Variants in DLG4 observed in about 807,000 individuals in gnomAD.
DLG4 encodes discs large MAGUK scaffold protein 4.
A neutral mutation model predicts 93.8 loss-of-function variants in DLG4; 7 were observed. The observed-to-expected ratio is 0.07, with a 90% confidence interval of 0.04 to 0.14. The LOEUF (loss-of-function observed/expected upper bound fraction) is 0.14, where lower values mean the gene tolerates loss of function less well. Among genes scored for constraint, DLG4 ranks in the 10% least tolerant of loss-of-function variants. The pLI is 1.00. For missense variants in DLG4, 545 were observed against 992.9 expected (o/e 0.55, Z 6.06); for synonymous variants, 341 against 387.6 (o/e 0.88, Z 1.41).
At chr17:7,216,079 C>A (rs760841625) in intron 1 of DLG4, among the ~76,000 whole-genome samples, 6 of 151,584 alleles carry the variant, frequency 4.0e-5, no homozygotes, top group Non-Finnish European at 7.4e-5. Flanking sequence ...TTGCACAGAT[C>A]CCCATCGCTG....
chr17:7,205,159 C>T, intron 2 of DLG4: 2 of 985,500 alleles, frequency 2.0e-6, no homozygotes, highest in Non-Finnish European at 2.4e-6. Context: ...CGCCCCTCAC[C>T]CTACGCAGTG....
At chr17:7,215,189 G>A (rs898299921) in intron 1 of DLG4, among the ~76,000 whole-genome samples, 4 of 152,168 alleles carry the variant, frequency 2.6e-5, no homozygotes, top group African/African-American at 9.7e-5. Context: ...CCACCATACC[G>A]AGGCTGACAA....
upstream of DLG4, chr17:7,219,948 C>G (rs986919510): frequency 6.6e-6 from 6 of 915,456 alleles, no homozygotes; most frequent in African/African-American, 6.9e-5. Context: ...AGAGCTGGGT[C>G]AGAGCTCGAG....
rs920423455 is a variant in DLG4 at position 7,190,526 on chromosome 17, G to A, written c.*182C>T. 6.0e-5 allele frequency: 36 copies of A among 595,792 alleles called. No individual in the cohort carries two copies. Among genetic ancestry groups the A allele is most frequent in the Non-Finnish European group, 1.1e-4 (35 of 332,286 alleles). 36.9% of individuals were successfully genotyped at this position (595,792 alleles called of 1,614,324 possible). A position where few individuals can be genotyped will look rare whatever the true frequency, so the allele number is the denominator to read the frequency against. ...TCCTGGCGTTCAGGAGCCCAGTTCT[G>A]GGGTGCGGGGATACATGCAGAGGAG... On this transcript the variant is annotated 3_prime_UTR_variant, in exon 20 of 20. Transcript: ENST00000399506.
At position 7,194,011 on chromosome 17, in the gene DLG4, C is replaced by T. The variant is rs1332021553; in HGVS notation, c.1479-11G>A. The T allele has an allele frequency of 1.2e-6, 2 of 1,613,372 alleles. No homozygotes were observed. Among genetic ancestry groups the T allele is most frequent in the Middle Eastern group, 1.7e-4 (1 of 6,060 alleles). ...TCTCGTCGCTCAACCCTGTGGGATA[C>T]ATGGAGGGATACGCGGGTAGGGGAA... On this transcript the variant is annotated splice_polypyrimidine_tract_variant and intron_variant, in intron 12 of 19. Coordinates refer to ENST00000399506, the MANE Select transcript of DLG4 (RefSeq NM_001321075.3). This position sits in a 1 kb window ranked among gnomAD's most constrained non-coding sequence, Gnocchi z 4.4.
At chr17:7,202,729 T>C in intron 8 of DLG4, 174 bp downstream of exon 8, 1 of 831,714 alleles carries the variant, frequency 1.2e-6, no homozygotes, top group Non-Finnish European at 1.8e-6. Flanking sequence ...CTTTTCTAGT[T>C]CTTTTATGGT....
chr17:7,206,402 G>A lies in DLG4; in HGVS notation c.96+1772C>T, dbSNP rs1459581732. ...TTGGGGCTTCTCCTGTTCCCCAGGT[G>A]AGGCCTTGTCCTGAGACCTCCACCC... On this transcript the variant is annotated intron_variant, in intron 2 of 19. Coordinates refer to ENST00000399506, the MANE Select transcript of DLG4 (RefSeq NM_001321075.3). Among the ~76,000 whole-genome samples the A allele has an allele frequency of 3.9e-5, 6 of 151,914 alleles. No homozygotes were observed. The South Asian group carries it at 1.0e-3, about 26-fold the overall frequency.
At chr17:7,204,485 G>A in intron 2 of DLG4, 1 of 457,800 alleles carries the variant, frequency 2.2e-6, no homozygotes, top group Non-Finnish European at 3.8e-6. Context: ...ATCTAACTCT[G>A]CCCAGCCCGG....
Position 7,191,400 on chromosome 17 carries a change from C to A in DLG4, c.1977-42G>T. 2.7e-6 allele frequency: 4 copies of A among 1,495,810 alleles called. No homozygotes were observed. The highest frequency in any genetic ancestry group is 1.1e-5 in the South Asian group (1 of 88,438). The allele number at this position is 1,495,810 out of a possible 1,614,324, so 92.7% of individuals were successfully genotyped here. On this transcript the variant is annotated intron_variant, in intron 18 of 19. Transcript: ENST00000399506. The surrounding 1 kb of genome is among the most constrained non-coding windows in gnomAD (Gnocchi z 6.6). ...AGAGCAGGCCTGAGACTGGACCCAC[C>A]TGACCCTGCCTTTTATCTCCTCTAT...
intron 8 of DLG4, among the ~76,000 whole-genome samples, chr17:7,197,999 G>A (rs978275827): frequency 2.6e-5 from 4 of 152,106 alleles, no homozygotes; most frequent in Admixed American, 2.0e-4. Flanking sequence ...AATAATGCCT[G>A]GTTGTCTTTC....
rs1458096442 is a variant in DLG4, at chr17:7,190,477, C to T, written c.*231G>A. 3.7e-6 allele frequency: 2 copies of T among 546,646 alleles called. No homozygotes were observed. Among genetic ancestry groups the T allele is most frequent in the African/African-American group, 3.8e-5 (2 of 52,642 alleles). 33.9% of individuals were successfully genotyped at this position (546,646 alleles called of 1,614,324 possible). On this transcript the variant is annotated 3_prime_UTR_variant, in exon 20 of 20. Coordinates refer to ENST00000399506, the MANE Select transcript of DLG4 (RefSeq NM_001321075.3). ...GGAGCAAGGGCTCGGAACAAGGAGC[C>T]CAGCTCCCCCCCAGACCCCAGGTTC...
At chr17:7,190,962 T>A in intron 19 of DLG4, 148 bp from the exon 20 acceptor site, 35 of 516,210 alleles carry the variant, frequency 6.8e-5, no homozygotes, top group Non-Finnish European at 8.1e-5. Context: ...CAGGGGCACC[T>A]CTTTTTTTTT....
Position 7,203,910 on chromosome 17 carries a change from G to C in DLG4, c.211-94C>G. 1 of 1,589,140 alleles carries C rather than the reference G, an allele frequency of 6.3e-7. No individual in the cohort carries two copies. On this transcript the variant is annotated intron_variant, in intron 4 of 19. Coordinates refer to ENST00000399506, the MANE Select transcript of DLG4 (RefSeq NM_001321075.3). This position sits in a 1 kb window ranked among gnomAD's most constrained non-coding sequence, Gnocchi z 7.2. ...AAATGGCTTGGAGCAGCCAGAGGAG[G>C]AAGGCACAGGGTGAGGGGCTAGCCA...
At position 7,195,987 on chromosome 17, in the gene DLG4, A is replaced by G. The variant is rs2069758361; in HGVS notation, c.1301+233T>C. 6.6e-6 allele frequency among the ~76,000 whole-genome samples: 1 copy of G among 152,208 alleles called. No homozygotes were observed. Among genetic ancestry groups the G allele is most frequent in the Non-Finnish European group, 1.5e-5 (1 of 68,032 alleles). On this transcript the variant is annotated intron_variant, in intron 11 of 19. Transcript: ENST00000399506. The surrounding 1 kb of genome is among the most constrained non-coding windows in gnomAD (Gnocchi z 4.3). ...GTCCCGGGGAAGTGCTGGGATGACC[A>G]GGGGCTAGAAGGCAATTGGGATACT... is the stretch of plus-strand genomic sequence containing the variant.
intron 8 of DLG4, among the ~76,000 whole-genome samples, chr17:7,199,748 G>A (rs879354102): frequency 1.3e-4 from 20 of 151,750 alleles, no homozygotes; most frequent in Non-Finnish European, 2.8e-4. Flanking sequence ...GGAGGCCGAG[G>A]TGGGGGGATC....
rs2069807867 is a variant in DLG4 at position 7,196,708 on chromosome 17, C to T, written c.1083+49G>A. 3 of 1,582,048 alleles carry T rather than the reference C, an allele frequency of 1.9e-6. No individual in the cohort carries two copies. Among genetic ancestry groups the T allele is most frequent in the East Asian group, 2.3e-5 (1 of 43,250 alleles). On this transcript the variant is annotated intron_variant, in intron 9 of 19. Coordinates refer to ENST00000399506, the MANE Select transcript of DLG4 (RefSeq NM_001321075.3). The surrounding 1 kb of genome is among the most constrained non-coding windows in gnomAD (Gnocchi z 8.3). ...GGCCCCTCCCCAAGAGCTCTGCGCT[C>T]TGCCCTGTGGGGAGGGGGTGGTGCA... is the stretch of plus-strand genomic sequence containing the variant.
chr17:7,213,933 G>A lies in DLG4; in HGVS notation c.30+3185C>T, dbSNP rs2070804831. 12 of 452,040 alleles carry A rather than the reference G, an allele frequency of 2.7e-5. 1 individual carries two copies. Among genetic ancestry groups the A allele is most frequent in the South Asian group, 1.7e-4 (11 of 63,662 alleles). 28.0% of individuals were successfully genotyped at this position (452,040 alleles called of 1,614,324 possible). ...CCAAGGAGTCAGTGCGGAAGGGGCT[G>A]GACTCAAATTTCCTTCTAGAATAGA... On this transcript the variant is annotated intron_variant, in intron 1 of 19. Coordinates refer to ENST00000399506, the MANE Select transcript of DLG4 (RefSeq NM_001321075.3).
Position 7,189,132 on chromosome 17 carries a change from G to A in DLG4, c.*1576C>T, listed in dbSNP as rs996475713. On this transcript the variant is annotated 3_prime_UTR_variant, in exon 20 of 20. Transcript: ENST00000399506. ...GTCTCAAAAAAAAAAAAAAAAGGGT[G>A]GGGGGGGCGCATAAAGAAACCTAGC... is the stretch of plus-strand genomic sequence containing the variant. Among the ~76,000 whole-genome samples, 599 of 135,576 alleles carry A rather than the reference G, an allele frequency of 4.4e-3. 3 individuals carry two copies. The highest frequency in any genetic ancestry group is 6.9e-3 in the Non-Finnish European group (452 of 65,604). 88.9% of individuals were successfully genotyped at this position (135,576 alleles called of 152,430 possible).
upstream of DLG4, chr17:7,219,739 A>G (rs9915319): frequency 7.0e-4 from 1,003 of 1,442,452 alleles, 4 homozygotes; most frequent in African/African-American, 0.013. Context: ...ACTAGACTCT[A>G]GGTCGGACGG....
Sources: allele counts gnomAD v4.1 joint callset (sites outside exome capture counted in the v4.1 genomes callset), GRCh38; gene constraint gnomAD v4.1.1; non-coding constraint Gnocchi (gnomAD v3.1); transcripts MANE v1.5; gene names NCBI Gene and HGNC (gene_info 2026-07-23, HGNC 2026-07-21).